Variants in TENM2 observed in about 807,000 individuals in gnomAD.
TENM2 encodes teneurin-2.
In TENM2, 52 loss-of-function variants were observed where a neutral mutation model predicts 245.2. That is an observed-to-expected ratio of 0.21 (90% CI 0.17 to 0.27). The LOEUF (loss-of-function observed/expected upper bound fraction) is 0.27, where lower values mean the gene tolerates loss of function less well. Among genes scored for constraint, TENM2 ranks in the 10% least tolerant of loss-of-function variants. The probability of loss-of-function intolerance (pLI) is 1.00; values close to 1 mark genes in which losing one functional copy is unlikely to be tolerated. For missense variants in TENM2, 3,046 were observed against 3,666.8 expected, an observed-to-expected ratio of 0.83 and a Z score of 4.37; for synonymous variants, 1,363 against 1,438.9, an observed-to-expected ratio of 0.95 and a Z score of 1.19.
chr5:167,976,253 G>A (rs1300782532), intron 4 of TENM2, among the ~76,000 whole-genome samples: 2 of 151,946 alleles, frequency 1.3e-5, no homozygotes, highest in Non-Finnish European at 2.9e-5. Flanking sequence ...TGGGCCTTAG[G>A]ATACTGATCT....
intron 2 of TENM2, among the ~76,000 whole-genome samples, chr5:167,428,961 C>A (rs1452966925): frequency 6.6e-6 from 1 of 152,170 alleles, no homozygotes; most frequent in Admixed American, 6.5e-5. Flanking sequence ...CCTTCTTCAT[C>A]AGTAACATCC....
chr5:167,058,060 T>C, the TENM2 span, among the ~76,000 whole-genome samples: 6 of 152,124 alleles, frequency 3.9e-5, no homozygotes, highest in Admixed American at 2.0e-4. Context: ...TACCTACAAG[T>C]CTTTTAAATT....
intron 2 of TENM2, among the ~76,000 whole-genome samples, chr5:167,742,910 G>T (rs1257317622): frequency 1.3e-5 from 2 of 152,052 alleles, no homozygotes; most frequent in East Asian, 3.9e-4. Context: ...TGATGCTGCA[G>T]TGAGCTATGA....
At position 168,109,978 on chromosome 5, in the gene TENM2, G is replaced by A. The variant is rs531910044; in HGVS notation, c.1814-8314G>A. 4.6e-5 allele frequency among the ~76,000 whole-genome samples: 7 copies of A among 151,726 alleles called. No homozygotes were observed. The South Asian group carries it at 6.3e-4, about 14-fold the overall frequency. Reference sequence around the variant, plus strand: ...TGCGTTACCAAACAGAAATCACTTCGCGGGGCTTCAGTCCGTCAGCCCTCC... The same window carrying A: ...TGCGTTACCAAACAGAAATCACTTCACGGGGCTTCAGTCCGTCAGCCCTCC... On this transcript the variant is annotated intron_variant, in intron 9 of 28. Coordinates refer to ENST00000518659, the Ensembl canonical transcript of TENM2.
rs142126497 is a variant in TENM2 at position 168,029,544 on chromosome 5, G to A, written c.1187-17883G>A. ...GCCACAATATATCCTTGGTGGATCC[G>A]CTGGCTTTGGGCAGCCCTGTGCCTG... On this transcript the variant is annotated intron_variant, in intron 5 of 28. Coordinates refer to ENST00000518659, the Ensembl canonical transcript of TENM2. 4.5e-3 allele frequency among the ~76,000 whole-genome samples: 687 copies of A among 152,274 alleles called. 4 individuals are homozygous for A. The highest frequency in any genetic ancestry group is 0.015 in the African/African-American group (620 of 41,552).
rs769264788 is a variant in TENM2 at position 168,227,878 on chromosome 5, C to T, written c.5285-17C>T. ...TAATTTATTTCCCTATCCCCACCCC[C>T]ACTTACATTTTTCCAGATCAAGTTC... On this transcript the variant is annotated splice_polypyrimidine_tract_variant and intron_variant, in intron 24 of 28. Coordinates refer to ENST00000518659, the Ensembl canonical transcript of TENM2. 6.5e-7 allele frequency: 1 copy of T among 1,529,902 alleles called. No individual in the cohort carries two copies. Among genetic ancestry groups the T allele is most frequent in the African/African-American group, 1.4e-5 (1 of 73,286 alleles). 94.8% of individuals were successfully genotyped at this position (1,529,902 alleles called of 1,614,324 possible). A position where few individuals can be genotyped will look rare whatever the true frequency, so the allele number is the denominator to read the frequency against.
chr5:167,835,405 C>G (rs1768899688), intron 2 of TENM2, among the ~76,000 whole-genome samples: 2 of 152,262 alleles, frequency 1.3e-5, no homozygotes, highest in Non-Finnish European at 2.9e-5. Flanking sequence ...TTAGTATGAT[C>G]CATAACAAAA....
chr5:167,859,289 A>G (rs530553899), intron 2 of TENM2, among the ~76,000 whole-genome samples: 4 of 89,302 alleles, frequency 4.5e-5, no homozygotes, highest in African/African-American at 8.4e-5. Flanking sequence ...GCCCCGTCTG[A>G]GAAGTGAGGA....
the TENM2 span, among the ~76,000 whole-genome samples, chr5:167,223,018 T>C: frequency 6.6e-6 from 1 of 152,142 alleles, no homozygotes; most frequent in African/African-American, 2.4e-5. Flanking sequence ...AGTCTTTCAA[T>C]AGGATTTTTT....
intron 3 of TENM2, among the ~76,000 whole-genome samples, chr5:167,890,089 G>T (rs575246466): frequency 1.1e-4 from 16 of 152,178 alleles, no homozygotes; most frequent in African/African-American, 3.6e-4. Flanking sequence ...CAAAACTCAC[G>T]GTGTCCCCTG....
intron 2 of TENM2, among the ~76,000 whole-genome samples, chr5:167,697,721 C>T (rs1757862003): frequency 6.6e-6 from 1 of 152,108 alleles, no homozygotes; most frequent in Non-Finnish European, 1.5e-5. Flanking sequence ...GACAGGGTTT[C>T]ACCATGTTGG....
At chr5:168,015,861 T>G (rs774828806) in intron 5 of TENM2, among the ~76,000 whole-genome samples, 3 of 152,222 alleles carry the variant, frequency 2.0e-5, no homozygotes, top group Non-Finnish European at 4.4e-5. Context: ...AGGGCTTTCC[T>G]TGAATCCCTC....
At chr5:167,825,081 C>T (rs1384209656) in intron 2 of TENM2, among the ~76,000 whole-genome samples, 3 of 152,098 alleles carry the variant, frequency 2.0e-5, no homozygotes, top group Non-Finnish European at 2.9e-5. Flanking sequence ...GGGAGGGAGG[C>T]AAATATATAT....
At chr5:167,133,163 G>A in the TENM2 span, among the ~76,000 whole-genome samples, 5 of 152,248 alleles carry the variant, frequency 3.3e-5, no homozygotes, top group African/African-American at 4.8e-5. Context: ...GAGAGAAACC[G>A]TAAAGGCTAA....
At chr5:167,986,015 G>T (rs1389593580) in intron 4 of TENM2, among the ~76,000 whole-genome samples, 2 of 152,148 alleles carry the variant, frequency 1.3e-5, no homozygotes, top group South Asian at 2.1e-4. Flanking sequence ...AATTGGTGGG[G>T]GCTCTTGTTG....
At chr5:168,175,698 G>T (rs1759297127) in intron 13 of TENM2, among the ~76,000 whole-genome samples, 2 of 152,130 alleles carry the variant, frequency 1.3e-5, no homozygotes, top group South Asian at 4.1e-4. Flanking sequence ...TGCCAGGTGT[G>T]CCAGAGTCCA....
intron 3 of TENM2, among the ~76,000 whole-genome samples, chr5:167,905,022 A>G (rs745552157): frequency 5.3e-5 from 8 of 152,196 alleles, no homozygotes; most frequent in Non-Finnish European, 1.2e-4. Context: ...ATTTCAGGAT[A>G]TGGTTATAGG....
At chr5:168,157,006 A>C (rs1054815392) in intron 12 of TENM2, among the ~76,000 whole-genome samples, 1 of 152,206 alleles carries the variant, frequency 6.6e-6, no homozygotes, top group African/African-American at 2.4e-5. Context: ...AGCAGGTGAC[A>C]GTAAAATGTC....
At chr5:168,175,303 TC>T (rs1759258322) in intron 13 of TENM2, among the ~76,000 whole-genome samples, 1 of 152,166 alleles carries the variant, frequency 6.6e-6, no homozygotes, top group Non-Finnish European at 1.5e-5. Context: ...TACACTGCCT[TC>T]CAATCAAAAA....
Sources: allele counts gnomAD v4.1 joint callset (sites outside exome capture counted in the v4.1 genomes callset), GRCh38; gene constraint gnomAD v4.1.1; transcripts MANE v1.5; gene names NCBI Gene and HGNC (gene_info 2026-07-23, HGNC 2026-07-21).